The following ZBTB20 variants were observed in gnomAD, a reference collection of about 807,000 sequenced individuals.
ZBTB20 encodes the protein zinc finger and BTB domain containing 20.
ZBTB20 carries 9 observed loss-of-function variants against 56.9 expected under a neutral mutation model. The observed-to-expected ratio is 0.16, with a 90% CI of 0.10 to 0.28. The LOEUF (loss-of-function observed/expected upper bound fraction) is 0.28. Ranked by LOEUF, ZBTB20 falls within the 10% of genes least tolerant of loss-of-function variation. The pLI, the probability that ZBTB20 is intolerant of heterozygous loss-of-function variation, is 1.00. For missense variants in ZBTB20, 655 were observed against 1,003.0 expected, an observed-to-expected ratio of 0.65 and a Z score of 4.69; for synonymous variants, 417 against 420.7, an observed-to-expected ratio of 0.99 and a Z score of 0.11.
Position 114,351,289 on chromosome 3 carries a change from G to A in ZBTB20, c.789C>T (p.Ser263=), listed in dbSNP as rs1418875066. ...TCTCGTGGTGGCTGACCACTGCGCCGCTGTAAAAAGAGCGCTCGCCGCTGC... is the reference window on the plus strand; with the variant it reads ...TCTCGTGGTGGCTGACCACTGCGCCACTGTAAAAAGAGCGCTCGCCGCTGC... ...QNGSGERSFY[S]GAVVSHHETA... The change falls in exon 11 of 12, where the codon AGC becomes AGT. Residue 263 remains serine, a synonymous_variant. Coordinates refer to ENST00000675478, the MANE Select transcript of ZBTB20 (RefSeq NM_001348800.3). 2 of 1,603,836 alleles carry A rather than the reference G, an allele frequency of 1.2e-6. No individual in the cohort carries two copies. The highest frequency in any genetic ancestry group is 1.7e-5 in the Admixed American group (1 of 59,970).
chr3:114,456,462 A>G (rs2092026424), intron 7 of ZBTB20, among the ~76,000 whole-genome samples: 1 of 152,122 alleles, frequency 6.6e-6, no homozygotes, highest in Non-Finnish European at 1.5e-5. Flanking sequence ...GGTTTTTCTC[A>G]TACACCTCGT....
chr3:114,843,206 T>G (rs1430686463), intron 4 of ZBTB20, among the ~76,000 whole-genome samples: 1 of 152,190 alleles, frequency 6.6e-6, no homozygotes, highest in African/African-American at 2.4e-5. Context: ...TAGTTCTTTA[T>G]AGCAGTGTCA....
intron 2 of ZBTB20, among the ~76,000 whole-genome samples, chr3:115,011,034 A>T (rs1360758452): frequency 6.6e-6 from 1 of 151,958 alleles, no homozygotes; most frequent in Non-Finnish European, 1.5e-5. Flanking sequence ...GAGTCCTTTA[A>T]CAGCAGAATG....
intron 6 of ZBTB20, among the ~76,000 whole-genome samples, chr3:114,575,560 G>A (rs187833205): frequency 1.9e-4 from 28 of 150,050 alleles, no homozygotes; most frequent in African/African-American, 6.1e-4. Flanking sequence ...TTTGACTATA[G>A]TTAGGGATTT....
intron 7 of ZBTB20, among the ~76,000 whole-genome samples, chr3:114,401,078 T>TCCCAGA (rs1390935701): frequency 2.1e-5 from 1 of 46,876 alleles, no homozygotes; most frequent in Non-Finnish European, 3.7e-5. Flanking sequence ...TCTGTCTACC[T>TCCCAGA]CCCAGACACA....
intron 6 of ZBTB20, among the ~76,000 whole-genome samples, chr3:114,669,226 T>C (rs747099525): frequency 1.3e-5 from 2 of 152,010 alleles, no homozygotes; most frequent in Non-Finnish European, 2.9e-5. Flanking sequence ...CGGCAAAGAA[T>C]TATCTACTCC....
chr3:114,696,273 A>G lies in ZBTB20; in HGVS notation c.-342-2698T>C, dbSNP rs1298236472. 2.6e-5 allele frequency among the ~76,000 whole-genome samples: 4 copies of G among 152,084 alleles called. No individual in the cohort carries two copies. The East Asian group carries it at 7.7e-4, about 29-fold the overall frequency. On this transcript the variant is annotated intron_variant, in intron 5 of 11. Coordinates refer to ENST00000675478, the MANE Select transcript of ZBTB20 (RefSeq NM_001348800.3). ...AACTTTAGTAAAATTAAATGAACCAATTTCTTATGGCTTTAATATCCAGAA... is the reference window on the plus strand; with the variant it reads ...AACTTTAGTAAAATTAAATGAACCAGTTTCTTATGGCTTTAATATCCAGAA...
Position 114,320,966 on chromosome 3 carries a change from T to C in ZBTB20, c.*18039A>G, listed in dbSNP as rs1450531584. The C allele has an allele frequency of 2.6e-5, 4 of 152,172 alleles. No homozygotes were observed. Among genetic ancestry groups the C allele is most frequent in the African/African-American group, 4.8e-5 (2 of 41,448 alleles). The allele number at this position is 152,172 out of a possible 1,614,324, so 9.4% of individuals were successfully genotyped here. A position where few individuals can be genotyped will look rare whatever the true frequency, so the allele number is the denominator to read the frequency against. ...CTTGCCCATGATTTCCACCTTTCCA[T>C]AGCCTCACTTCAAGTTCAAATGGAA... On this transcript the variant is annotated 3_prime_UTR_variant, in exon 12 of 12. Coordinates refer to ENST00000675478, the MANE Select transcript of ZBTB20 (RefSeq NM_001348800.3).
chr3:114,712,329 T>C (rs2064138406), intron 5 of ZBTB20, among the ~76,000 whole-genome samples: 1 of 152,118 alleles, frequency 6.6e-6, no homozygotes, highest in Non-Finnish European at 1.5e-5. Flanking sequence ...TACAGTTATA[T>C]AAAATTCTTT....
chr3:114,495,055 A>C (rs2043130390), intron 7 of ZBTB20, among the ~76,000 whole-genome samples: 1 of 152,212 alleles, frequency 6.6e-6, no homozygotes, highest in African/African-American at 2.4e-5. Flanking sequence ...TCATGAATGA[A>C]ACCCTATGGT....
At chr3:114,474,549 G>T (rs1032858511) in intron 7 of ZBTB20, among the ~76,000 whole-genome samples, 2 of 151,990 alleles carry the variant, frequency 1.3e-5, no homozygotes, top group Non-Finnish European at 2.9e-5. Context: ...CTCCAAGCCC[G>T]GCCCTTCTGC....
intron 6 of ZBTB20, among the ~76,000 whole-genome samples, chr3:114,629,109 T>A (rs968447527): frequency 6.6e-6 from 1 of 152,184 alleles, no homozygotes; most frequent in Admixed American, 6.5e-5. Context: ...CAGTGGGCAG[T>A]GGTTAAGATT....
At chr3:114,364,193 T>A (rs1402003839) in intron 10 of ZBTB20, among the ~76,000 whole-genome samples, 1 of 152,222 alleles carries the variant, frequency 6.6e-6, no homozygotes, top group Admixed American at 6.5e-5. Context: ...GGCTCACACC[T>A]GCAATCCCAG....
intron 1 of ZBTB20, among the ~76,000 whole-genome samples, chr3:115,091,904 T>C (rs1337904636): frequency 6.6e-6 from 1 of 151,962 alleles, no homozygotes; most frequent in African/African-American, 2.4e-5. Flanking sequence ...ACAATGGCAA[T>C]ACAATGTGAG....
At chr3:114,632,024 G>A (rs1578069566) in intron 6 of ZBTB20, among the ~76,000 whole-genome samples, 1 of 152,182 alleles carries the variant, frequency 6.6e-6, no homozygotes, top group African/African-American at 2.4e-5. Flanking sequence ...ATTGGGTGAG[G>A]AGAGTCCTGT....
intron 3 of ZBTB20, among the ~76,000 whole-genome samples, chr3:114,927,989 C>T (rs1350504668): frequency 6.6e-6 from 1 of 152,012 alleles, no homozygotes; most frequent in Non-Finnish European, 1.5e-5. Context: ...TGAAAAACAC[C>T]CTCAATTAAC....
intron 6 of ZBTB20, among the ~76,000 whole-genome samples, chr3:114,689,247 A>G (rs2062549962): frequency 6.6e-6 from 1 of 152,196 alleles, no homozygotes; most frequent in Non-Finnish European, 1.5e-5. Context: ...TATGCATCCA[A>G]TAAAGTTTAT....
intron 7 of ZBTB20, among the ~76,000 whole-genome samples, chr3:114,417,070 A>G (rs1332469859): frequency 6.6e-6 from 1 of 152,090 alleles, no homozygotes; most frequent in Non-Finnish European, 1.5e-5. Flanking sequence ...TCAAAATATT[A>G]GTGTGTTGTA....
rs190275011 is a variant in ZBTB20 at position 114,374,753 on chromosome 3, T to C, written c.199+5464A>G. On this transcript the variant is annotated intron_variant, in intron 10 of 11. Transcript: ENST00000675478. Reference sequence around the variant, plus strand: ...TTTGTTTGATTATACATTTTGAACATTTATGGAGGTTTTCTGGGGCCAAAA... The same window carrying C: ...TTTGTTTGATTATACATTTTGAACACTTATGGAGGTTTTCTGGGGCCAAAA... 2.0e-5 allele frequency among the ~76,000 whole-genome samples: 3 copies of C among 152,282 alleles called. No individual in the cohort carries two copies. In the East Asian group the frequency reaches 5.8e-4, roughly 29 times the overall value.
Sources: gnomAD v4.1 joint callset for allele counts (sites outside exome capture counted in the v4.1 genomes callset) on GRCh38, gnomAD v4.1.1 for gene constraint, MANE v1.5 for transcripts, NCBI Gene and HGNC (gene_info 2026-07-23, HGNC 2026-07-21) for gene names.